Variants in MYBPC1 observed in about 807,000 individuals in gnomAD.
The protein encoded by MYBPC1 is myosin binding protein C1, also known as myosin-binding protein C, slow-type.
In MYBPC1, 52 loss-of-function variants were observed where a neutral mutation model predicts 147.1. That is an observed-to-expected ratio of 0.35 (90% CI 0.28 to 0.45). MYBPC1 has a LOEUF of 0.45. Among genes scored for constraint, MYBPC1 ranks in the 20% least tolerant of loss-of-function variants. The pLI is 1.00. For missense variants in MYBPC1, 1,228 were observed against 1,440.3 expected (o/e 0.85, Z 2.39); for synonymous variants, 477 against 475.9 (o/e 1.00, Z -0.03).
intron 29 of MYBPC1, among the ~76,000 whole-genome samples, chr12:101,682,300 C>T (rs1951055594): frequency 6.6e-6 from 1 of 152,004 alleles, no homozygotes; most frequent in Admixed American, 6.6e-5. Flanking sequence ...ATATTTGGGG[C>T]CCTCCTTAAA....
In MYBPC1 at chr12:101,634,716, T is replaced by C. The variant is rs75420749; in HGVS notation, c.608+111T>C. 1.8e-3 allele frequency: 1,656 copies of C among 901,272 alleles called. 7 individuals carry two copies. Among genetic ancestry groups the C allele is most frequent in the African/African-American group, 0.015 (910 of 60,768 alleles). 55.8% of individuals were successfully genotyped at this position (901,272 alleles called of 1,614,324 possible). ...GTATTCCAAATACGAACAACACTTT[T>C]CACCGCAAAAACACCATATATTTAA... On this transcript the variant is annotated intron_variant, in intron 9 of 31. Coordinates refer to ENST00000361466, the MANE Select transcript of MYBPC1 (RefSeq NM_002465.4).
intron 3 of MYBPC1, among the ~76,000 whole-genome samples, chr12:101,621,889 T>C (rs530223153): frequency 7.2e-5 from 11 of 152,306 alleles, no homozygotes; most frequent in African/African-American, 2.4e-4. Context: ...AATATAAGAC[T>C]GGGTTCTTTC....
intron 18 of MYBPC1, among the ~76,000 whole-genome samples, chr12:101,655,309 A>G (rs11110928): frequency 0.2 from 30,716 of 152,070 alleles, 3,717 homozygotes; most frequent in Middle Eastern, 0.34. Flanking sequence ...TCCAAATCTA[A>G]TCACCTACAG....
chr12:101,609,459 T>A (rs999981945), intron 1 of MYBPC1, among the ~76,000 whole-genome samples: 34 of 152,060 alleles, frequency 2.2e-4, no homozygotes, highest in African/African-American at 8.0e-4. Flanking sequence ...GTAAAATGTT[T>A]TTTTATGAAG....
chr12:101,665,379 T>C (rs561801617), intron 22 of MYBPC1, among the ~76,000 whole-genome samples: 2 of 152,316 alleles, frequency 1.3e-5, no homozygotes, highest in South Asian at 4.1e-4. Context: ...CAGACTAATT[T>C]TCTATAGTGT....
chr12:101,677,190 A>T, intron 26 of MYBPC1, 45 bp from the exon 27 acceptor site: 1 of 1,578,766 alleles, frequency 6.3e-7, no homozygotes, highest in Non-Finnish European at 8.7e-7. Context: ...AAAATTGTAT[A>T]CTTTTAGGTG....
chr12:101,596,876 C>T (rs1417073135), intron 1 of MYBPC1, among the ~76,000 whole-genome samples: 1 of 152,172 alleles, frequency 6.6e-6, no homozygotes, highest in Non-Finnish European at 1.5e-5. Flanking sequence ...GTAGGAGTTC[C>T]TCCACCCAGG....
rs116652517 is a variant in MYBPC1 at position 101,674,388 on chromosome 12, A to G, written c.2809+766A>G. On this transcript the variant is annotated intron_variant, in intron 25 of 31. Transcript: ENST00000361466. ...TTTAATATTAATATAAGGAAGATGT[A>G]CCTAAGCAAAATTGAACAGTTAAAT... Among the ~76,000 whole-genome samples, 1,129 of 152,284 alleles carry G rather than the reference A, an allele frequency of 7.4e-3. 18 individuals carry two copies. Among genetic ancestry groups the G allele is most frequent in the African/African-American group, 0.026 (1,088 of 41,566 alleles).
rs544811536 is a variant in MYBPC1 at position 101,650,759 on chromosome 12, T to C, written c.1364-472T>C. On this transcript the variant is annotated intron_variant, in intron 15 of 31. Transcript: ENST00000361466. ...GCACAGTTTTACACATGCTAAATGG[T>C]TAATAAATATAATAAATATGGCACT... 28 of 215,916 alleles carry C rather than the reference T, an allele frequency of 1.3e-4. No homozygotes were observed. In the South Asian group the frequency reaches 1.9e-3, roughly 15 times the overall value. 13.4% of individuals were successfully genotyped at this position (215,916 alleles called of 1,614,324 possible). A position where few individuals can be genotyped will look rare whatever the true frequency, so the allele number is the denominator to read the frequency against.
At position 101,667,886 on chromosome 12, in the gene MYBPC1, G is replaced by C; in HGVS notation, c.2511G>C (p.Val837=). The C allele has an allele frequency of 6.2e-7, 1 of 1,614,032 alleles. No homozygotes were observed. Among genetic ancestry groups the C allele is most frequent in the Non-Finnish European group, 8.5e-7 (1 of 1,179,944 alleles). The change falls in exon 23 of 32, where the codon GTG becomes GTC. Residue 837 remains valine (V), a synonymous_variant. Transcript: ENST00000361466. ...EPKYYSQPIL[V]KEIIEPPKIR... is the part of the protein sequence containing the mutation. ...AGTACTATTCTCAGCCCATTCTCGT[G>C]AAGGAAATCATAGGTAGGAGACAAG...
chr12:101,623,007 T>C (rs1487097934), intron 3 of MYBPC1, among the ~76,000 whole-genome samples: 18 of 152,154 alleles, frequency 1.2e-4, no homozygotes, highest in East Asian at 3.9e-4. Flanking sequence ...TTTAGTAGAC[T>C]TTGAAACTAC....
Position 101,633,097 on chromosome 12 carries a change from C to T in MYBPC1, c.556+959C>T, listed in dbSNP as rs139035243. ...TAGGATCTAAGTTTAGGAAGTGATA[C>T]TTCTCTCTACAACATGCTACTTATT... On this transcript the variant is annotated intron_variant, in intron 8 of 31. Transcript: ENST00000361466. Among the ~76,000 whole-genome samples, 3 of 152,292 alleles carry T rather than the reference C, an allele frequency of 2.0e-5. No individual in the cohort carries two copies. The East Asian group carries it at 5.8e-4, about 29-fold the overall frequency.
chr12:101,653,284 A>G, intron 18 of MYBPC1, 36 bp downstream of exon 18: 1 of 1,610,752 alleles, frequency 6.2e-7, no homozygotes. Context: ...ACATGCACAC[A>G]CACATATGCA....
intron 6 of MYBPC1, 109 bp downstream of exon 6, chr12:101,629,653 A>G: frequency 1.3e-6 from 1 of 786,212 alleles, no homozygotes; most frequent in Non-Finnish European, 2.1e-6. Context: ...CAGGCAGATC[A>G]TTTGAGCTCA....
chr12:101,649,200 A>G (rs915715819), intron 14 of MYBPC1, 60 bp from the exon 15 acceptor site: 103 of 1,462,264 alleles, frequency 7.0e-5, no homozygotes, highest in Non-Finnish European at 9.7e-5. Flanking sequence ...AGCAAGATGG[A>G]CAAGGTATTT....
At chr12:101,632,272 C>T in intron 8 of MYBPC1, 134 bp downstream of exon 8, 1 of 724,186 alleles carries the variant, frequency 1.4e-6, no homozygotes, top group Non-Finnish European at 2.5e-6. Flanking sequence ...TTGTGGTAGT[C>T]TCAGCAAGCT....
In MYBPC1 at chr12:101,675,282, C is replaced by A; in HGVS notation, c.2810-10C>A. The A allele has an allele frequency of 6.2e-7, 1 of 1,613,956 alleles. No homozygotes were observed. Among genetic ancestry groups the A allele is most frequent in the Non-Finnish European group, 8.5e-7 (1 of 1,179,910 alleles). On this transcript the variant is annotated splice_polypyrimidine_tract_variant and intron_variant, in intron 25 of 31. Coordinates refer to ENST00000361466, the MANE Select transcript of MYBPC1 (RefSeq NM_002465.4). The stretch of plus-strand genomic sequence containing the variant: ...TGACCTTGCAGTGACACCATGAATT[C>A]ATCCTGTAGACCGTCCAGGTCCACC...
intron 14 of MYBPC1, 104 bp downstream of exon 14, chr12:101,648,254 C>T: frequency 1.3e-6 from 1 of 762,012 alleles, no homozygotes; most frequent in Non-Finnish European, 2.3e-6. Flanking sequence ...CCTTTGAAAA[C>T]AATCTCCACC....
chr12:101,684,304 A>C, intron 30 of MYBPC1, 78 bp from the exon 31 acceptor site: 1 of 1,099,902 alleles, frequency 9.1e-7, no homozygotes, highest in Non-Finnish European at 1.4e-6. Context: ...ATTTCATCCA[A>C]CAAGTACTCA....
Sources: gnomAD v4.1 joint callset for allele counts (sites outside exome capture counted in the v4.1 genomes callset) on GRCh38, gnomAD v4.1.1 for gene constraint, MANE v1.5 for transcripts, NCBI Gene and HGNC (gene_info 2026-07-23, HGNC 2026-07-21) for gene names.